ATP8A2: variants seen among roughly 807,000 people sequenced by gnomAD.
ATP8A2 encodes the protein ATPase phospholipid transporting 8A2, also known as phospholipid-transporting ATPase IB.
A neutral mutation model predicts 165.6 loss-of-function variants in ATP8A2; 100 were observed. That is an observed-to-expected ratio of 0.60 (90% CI 0.51 to 0.71). ATP8A2 has a LOEUF of 0.71. Among genes scored for constraint, ATP8A2 ranks in the 30% least tolerant of loss-of-function variants. The pLI is 0.00. For missense variants in ATP8A2, 1,227 were observed against 1,479.5 expected, an observed-to-expected ratio of 0.83 and a Z score of 2.80; for synonymous variants, 543 against 548.8, an observed-to-expected ratio of 0.99 and a Z score of 0.15.
chr13:25,987,860 T>TC (rs35507176), intron 35 of ATP8A2, among the ~76,000 whole-genome samples: 3 of 152,232 alleles, frequency 2.0e-5, no homozygotes. Context: ...AAGAACTTTT[T>TC]CCCAGGTGTG....
At chr13:25,676,463 A>G (rs938004553) in intron 24 of ATP8A2, among the ~76,000 whole-genome samples, 3 of 152,132 alleles carry the variant, frequency 2.0e-5, no homozygotes, top group Non-Finnish European at 4.4e-5. Flanking sequence ...GGTAACATCT[A>G]ATTGAGTTCT....
intron 25 of ATP8A2, among the ~76,000 whole-genome samples, chr13:25,755,686 C>CATG (rs1368820250): frequency 6.6e-6 from 1 of 152,144 alleles, no homozygotes; most frequent in Non-Finnish European, 1.5e-5. Context: ...GTGGGCAAAT[C>CATG]ATGAGGTCAG....
chr13:25,565,093 G>GTATATGTGTATATAT (rs1217715354), intron 16 of ATP8A2, among the ~76,000 whole-genome samples: 3 of 151,994 alleles, frequency 2.0e-5, no homozygotes. Context: ...TTATATGTAT[G>GTATATGTGTATATAT]TATATGTGTA....
At chr13:25,570,566 A>G (rs1277830247) in intron 16 of ATP8A2, among the ~76,000 whole-genome samples, 3 of 152,076 alleles carry the variant, frequency 2.0e-5, no homozygotes, top group Non-Finnish European at 2.9e-5. Context: ...AAACCTGGGG[A>G]TTAGTGCGCG....
In ATP8A2 at chr13:25,670,398, G is replaced by A. The variant is rs2042240394; in HGVS notation, c.2212-28775G>A. 2.0e-5 allele frequency among the ~76,000 whole-genome samples: 3 copies of A among 152,276 alleles called. No individual in the cohort carries two copies. In the South Asian group the frequency reaches 6.2e-4, roughly 32 times the overall value. On this transcript the variant is annotated intron_variant, in intron 24 of 36. Coordinates refer to ENST00000381655, the MANE Select transcript of ATP8A2 (RefSeq NM_016529.6). ...GCCCTGGTGTTGAGCCCTGGGAGCT[G>A]GATGGAGTCTGAGGTGGGTTGTTCT...
chr13:25,835,251 A>G (rs1951575889), intron 28 of ATP8A2, among the ~76,000 whole-genome samples: 1 of 152,186 alleles, frequency 6.6e-6, no homozygotes. Context: ...CTGTCCAGCT[A>G]TAAAACAAAC....
At position 25,463,125 on chromosome 13, in the gene ATP8A2, TG is replaced by T. The variant is rs1227941942; in HGVS notation, c.77-5851del. Among the ~76,000 whole-genome samples, 21 of 9,506 alleles carry T rather than the reference TG, an allele frequency of 2.2e-3. 4 individuals are homozygous for T. The highest frequency in any genetic ancestry group is 5.6e-3 in the Admixed American group (4 of 720). 6.2% of individuals were successfully genotyped at this position (9,506 alleles called of 152,430 possible). A position where few individuals can be genotyped will look rare whatever the true frequency, so the allele number is the denominator to read the frequency against. On this transcript the variant is annotated intron_variant, in intron 1 of 36. Coordinates refer to ENST00000381655, the MANE Select transcript of ATP8A2 (RefSeq NM_016529.6). ...AAGATGAAGGTATTTCTTTCTGAAG[TG>T]TTTTTTTTTTTTTTTTTGAGATAAT...
At chr13:25,951,509 G>A (rs896042814) in intron 33 of ATP8A2, among the ~76,000 whole-genome samples, 4 of 152,212 alleles carry the variant, frequency 2.6e-5, no homozygotes, top group South Asian at 4.1e-4. Flanking sequence ...AAAAAGGCAC[G>A]GGAGGGCTTT....
chr13:25,828,603 G>T (rs193164236), intron 28 of ATP8A2, among the ~76,000 whole-genome samples: 1 of 152,260 alleles, frequency 6.6e-6, no homozygotes, highest in Admixed American at 6.5e-5. Context: ...TCTGGTGTCC[G>T]TTCTGTCCTT....
chr13:25,645,277 T>A (rs948263119), intron 24 of ATP8A2, among the ~76,000 whole-genome samples: 2 of 152,142 alleles, frequency 1.3e-5, no homozygotes, highest in Non-Finnish European at 2.9e-5. Flanking sequence ...GTGAGACTAT[T>A]CAGTATCACC....
intron 25 of ATP8A2, among the ~76,000 whole-genome samples, chr13:25,752,418 C>T (rs1267464199): frequency 6.6e-6 from 1 of 152,038 alleles, no homozygotes; most frequent in Non-Finnish European, 1.5e-5. Context: ...AGATCATACT[C>T]TTGCACTCCA....
intron 23 of ATP8A2, among the ~76,000 whole-genome samples, chr13:25,584,369 C>G (rs958961003): frequency 2.6e-5 from 4 of 152,144 alleles, no homozygotes; most frequent in African/African-American, 9.7e-5. Context: ...CCTCATACCC[C>G]TGGTAGTATG....
Position 25,953,537 on chromosome 13 carries a change from A to C in ATP8A2, c.3184-8038A>C, listed in dbSNP as rs1284115304. 1.2e-4 allele frequency among the ~76,000 whole-genome samples: 17 copies of C among 140,764 alleles called. No individual in the cohort carries two copies. The highest frequency in any genetic ancestry group is 1.1e-3 in the Admixed American group (16 of 14,336). The allele number at this position is 140,764 out of a possible 152,430, so 92.3% of individuals were successfully genotyped here. A position where few individuals can be genotyped will look rare whatever the true frequency, so the allele number is the denominator to read the frequency against. ...CCAGCCTTTTTAAAAAAAAAAAAAA[A>C]AAAAAAAAAGCAAGGGAAATAGGCA... On this transcript the variant is annotated intron_variant, in intron 33 of 36. Transcript: ENST00000381655. This position sits in a 1 kb window ranked among gnomAD's most constrained non-coding sequence, Gnocchi z 6.7.
rs554859467 is a variant in ATP8A2 at position 25,480,383 on chromosome 13, C to A, written c.221+11262C>A. Among the ~76,000 whole-genome samples the A allele has an allele frequency of 2.4e-3, 358 of 151,930 alleles. 3 individuals are homozygous for A. Among genetic ancestry groups the A allele is most frequent in the African/African-American group, 7.5e-3 (310 of 41,456 alleles). On this transcript the variant is annotated intron_variant, in intron 2 of 36. Coordinates refer to ENST00000381655, the MANE Select transcript of ATP8A2 (RefSeq NM_016529.6). Reference sequence around the variant, plus strand: ...ACTGGGTGGCTGCCGGGCGGAGGGGCTCCTCACTTCTCAGACGGGGCGGTT... The same window carrying A: ...ACTGGGTGGCTGCCGGGCGGAGGGGATCCTCACTTCTCAGACGGGGCGGTT...
chr13:25,491,443 G>A (rs1412030989), intron 2 of ATP8A2, among the ~76,000 whole-genome samples: 2 of 152,116 alleles, frequency 1.3e-5, no homozygotes, highest in African/African-American at 2.4e-5. Flanking sequence ...GCCCAGCCTG[G>A]TCTTGAACTC....
At chr13:25,957,422 A>G (rs1410560384) in intron 33 of ATP8A2, among the ~76,000 whole-genome samples, 1 of 152,232 alleles carries the variant, frequency 6.6e-6, no homozygotes, top group Non-Finnish European at 1.5e-5. Flanking sequence ...TTTACAAGGA[A>G]AAAACAACCC....
intron 1 of ATP8A2, among the ~76,000 whole-genome samples, chr13:25,399,397 C>CTTCTTTT (rs1555264877): frequency 1.4e-5 from 1 of 74,056 alleles, no homozygotes; most frequent in Non-Finnish European, 2.4e-5. Context: ...AGTGGTTCTT[C>CTTCTTTT]TTTTTTTTTT....
chr13:25,870,150 C>T (rs1401976057), intron 33 of ATP8A2, among the ~76,000 whole-genome samples: 2 of 152,148 alleles, frequency 1.3e-5, no homozygotes, highest in Non-Finnish European at 2.9e-5. Flanking sequence ...GTCATTCTGG[C>T]GATAGGTGGC....
chr13:25,468,860 C>A, intron 1 of ATP8A2, 117 bp from the exon 2 acceptor site: 1 of 1,495,696 alleles, frequency 6.7e-7, no homozygotes. Context: ...CGGCGTCCGC[C>A]TCACCCGAGC....
Sources: allele counts gnomAD v4.1 joint callset (sites outside exome capture counted in the v4.1 genomes callset), GRCh38; gene constraint gnomAD v4.1.1; non-coding constraint Gnocchi (gnomAD v3.1); transcripts MANE v1.5; gene names NCBI Gene and HGNC (gene_info 2026-07-23, HGNC 2026-07-21).